Variants in ARHGAP24 observed in about 807,000 individuals in gnomAD.
ARHGAP24 encodes Rho GTPase activating protein 24, also known as rho GTPase-activating protein 24.
A neutral mutation model predicts 76.4 loss-of-function variants in ARHGAP24; 50 were observed. The ratio of observed to expected loss-of-function variants is 0.65; its 90% CI spans 0.52 to 0.83. ARHGAP24 has a LOEUF of 0.83. Ranked by LOEUF, ARHGAP24 falls within the 40% of genes least tolerant of loss-of-function variation. The pLI is 0.00. For synonymous variants in ARHGAP24, 345 were observed against 323.3 expected (o/e 1.07, Z -0.72); for missense variants, 930 against 914.2 (o/e 1.02, Z -0.22).
chr4:85,807,056 A>G (rs1377797359), intron 3 of ARHGAP24, among the ~76,000 whole-genome samples: 1 of 152,190 alleles, frequency 6.6e-6, no homozygotes, highest in Non-Finnish European at 1.5e-5. Flanking sequence ...GTCAGAGAGC[A>G]TTTGTAAAAT....
At chr4:85,721,854 A>T in intron 2 of ARHGAP24, 31 bp from the exon 3 acceptor site, 1 of 1,553,930 alleles carries the variant, frequency 6.4e-7, no homozygotes, top group Non-Finnish European at 8.9e-7. Context: ...CTCTCTGATG[A>T]TGTTGATGTT....
chr4:85,753,723 T>C (rs1726358758), intron 3 of ARHGAP24, among the ~76,000 whole-genome samples: 1 of 152,186 alleles, frequency 6.6e-6, no homozygotes, highest in African/African-American at 2.4e-5. Context: ...ATAGCAATAG[T>C]TTTTTCTAGA....
At chr4:85,942,412 A>C in intron 5 of ARHGAP24, 139 bp downstream of exon 5, 4 of 1,026,600 alleles carry the variant, frequency 3.9e-6, no homozygotes, top group Non-Finnish European at 5.8e-6. Context: ...AGGAGTTTGC[A>C]TTGTTTCTAT....
chr4:85,901,648 C>T (rs745948768), intron 3 of ARHGAP24, among the ~76,000 whole-genome samples: 2 of 152,148 alleles, frequency 1.3e-5, no homozygotes, highest in African/African-American at 2.4e-5. Flanking sequence ...AATGACATAA[C>T]TTACCAATTG....
chr4:85,813,880 G>A (rs1160136669), intron 3 of ARHGAP24, among the ~76,000 whole-genome samples: 1 of 147,434 alleles, frequency 6.8e-6, no homozygotes, highest in African/African-American at 2.5e-5. Flanking sequence ...TTTTCATGCT[G>A]CTGATAAAGA....
chr4:85,987,005 G>A (rs1464064017), intron 8 of ARHGAP24, among the ~76,000 whole-genome samples: 1 of 151,998 alleles, frequency 6.6e-6, no homozygotes, highest in East Asian at 1.9e-4. Flanking sequence ...GAAACTATTC[G>A]GTATGATGCT....
At chr4:85,545,082 G>C (rs1448587527) in intron 1 of ARHGAP24, among the ~76,000 whole-genome samples, 1 of 150,196 alleles carries the variant, frequency 6.7e-6, no homozygotes, top group African/African-American at 2.5e-5. Flanking sequence ...ATGATCCAGT[G>C]CTCTACAGTT....
rs115471491 is a variant in ARHGAP24 at position 85,815,949 on chromosome 4, C to T, written c.268+93977C>T. On this transcript the variant is annotated intron_variant, in intron 3 of 9. Coordinates refer to ENST00000395184, the MANE Select transcript of ARHGAP24 (RefSeq NM_001025616.3). ...AAGGTGAAAGGCATGTCTCACATAG[C>T]GGCAGCAGGAAAGAATGAGAGCCAA... 1.4e-3 allele frequency among the ~76,000 whole-genome samples: 220 copies of T among 152,244 alleles called. 3 individuals carry two copies. Among genetic ancestry groups the T allele is most frequent in the Middle Eastern group, 0.014 (4 of 294 alleles).
At chr4:85,922,077 T>C (rs1376349616) in intron 3 of ARHGAP24, among the ~76,000 whole-genome samples, 1 of 152,216 alleles carries the variant, frequency 6.6e-6, no homozygotes, top group African/African-American at 2.4e-5. Flanking sequence ...GGAGGCTAGT[T>C]TTATTTATTC....
intron 1 of ARHGAP24, among the ~76,000 whole-genome samples, chr4:85,557,207 C>T (rs1726417774): frequency 6.6e-6 from 1 of 152,062 alleles, no homozygotes; most frequent in Non-Finnish European, 1.5e-5. Flanking sequence ...GGGCCTTATC[C>T]TGCAAGGTGC....
intron 2 of ARHGAP24, among the ~76,000 whole-genome samples, chr4:85,683,117 T>TGGGGGGGGGGGGGGGGGGGGGGGGGGG (rs201448168): frequency 1.8e-5 from 1 of 56,978 alleles, no homozygotes; most frequent in Non-Finnish European, 3.5e-5. Flanking sequence ...TGTGGGGGGG[T>TGGGGGGGGGGGGGGGGGGGGGGGGGGG]GGGGGGGGGG....
intron 2 of ARHGAP24, among the ~76,000 whole-genome samples, chr4:85,612,792 CTTTT>C (rs70948739): frequency 6.0e-5 from 5 of 82,782 alleles, no homozygotes; most frequent in South Asian, 5.3e-4. Context: ...CTTTCCATTC[CTTTT>C]TTTTTTTTTT....
intron 3 of ARHGAP24, among the ~76,000 whole-genome samples, chr4:85,894,381 A>C (rs1560700989): frequency 6.6e-6 from 1 of 152,142 alleles, no homozygotes; most frequent in Non-Finnish European, 1.5e-5. Flanking sequence ...CAGGATGAGG[A>C]AAAAACAGCC....
chr4:85,872,595 C>CTTTTTTT (rs5860005), intron 3 of ARHGAP24, among the ~76,000 whole-genome samples: 7 of 73,166 alleles, frequency 9.6e-5, no homozygotes, highest in East Asian at 4.5e-4. Flanking sequence ...TGCATCTGGC[C>CTTTTTTT]TTTTTTTTTT....
intron 6 of ARHGAP24, among the ~76,000 whole-genome samples, chr4:85,974,382 A>G (rs908327773): frequency 2.6e-5 from 4 of 152,218 alleles, no homozygotes; most frequent in Non-Finnish European, 5.9e-5. Context: ...GGGAAGTCAT[A>G]TAATGAAAAG....
At chr4:85,790,548 C>G (rs1259994953) in intron 3 of ARHGAP24, among the ~76,000 whole-genome samples, 1 of 151,962 alleles carries the variant, frequency 6.6e-6, no homozygotes, top group Non-Finnish European at 1.5e-5. Flanking sequence ...TTTGCTCTTC[C>G]CAGAGTAAAA....
intron 3 of ARHGAP24, among the ~76,000 whole-genome samples, chr4:85,844,483 T>A (rs1461688995): frequency 6.6e-6 from 1 of 152,252 alleles, no homozygotes; most frequent in Non-Finnish European, 1.5e-5. Context: ...TTTAGTCTTC[T>A]ATTCCACAGA....
At chr4:85,681,235 A>G (rs1372985655) in intron 2 of ARHGAP24, among the ~76,000 whole-genome samples, 1 of 152,188 alleles carries the variant, frequency 6.6e-6, no homozygotes, top group Non-Finnish European at 1.5e-5. Context: ...TAAGAAGCCA[A>G]CCAGCCCAGC....
intron 3 of ARHGAP24, among the ~76,000 whole-genome samples, chr4:85,904,732 A>G (rs1734681813): frequency 6.6e-6 from 1 of 152,218 alleles, no homozygotes. Context: ...TGTGTTCTTT[A>G]TTGGATGAAA....
Sources: allele counts gnomAD v4.1 joint callset (sites outside exome capture counted in the v4.1 genomes callset), GRCh38; gene constraint gnomAD v4.1.1; transcripts MANE v1.5; gene names NCBI Gene and HGNC (gene_info 2026-07-23, HGNC 2026-07-21).